Variants in ZSCAN20 observed in about 807,000 individuals in gnomAD.
ZSCAN20 encodes the protein zinc finger and SCAN domain containing 20.
ZSCAN20 carries 39 observed loss-of-function variants against 97.1 expected under a neutral mutation model. The ratio of observed to expected loss-of-function variants is 0.40; its 90% confidence interval spans 0.31 to 0.52. The LOEUF (loss-of-function observed/expected upper bound fraction) is 0.52, where lower values mean the gene tolerates loss of function less well. ZSCAN20 is among the 20% of genes least tolerant of loss of function. The pLI, the probability that ZSCAN20 is intolerant of heterozygous loss-of-function variation, is 0.49. For missense variants in ZSCAN20, 1,115 were observed against 1,290.4 expected, an observed-to-expected ratio of 0.86 and a Z score of 2.08; for synonymous variants, 456 against 467.3, an observed-to-expected ratio of 0.98 and a Z score of 0.31.
intron 1 of ZSCAN20, among the ~76,000 whole-genome samples, chr1:33,477,913 A>T (rs1651997111): frequency 6.6e-6 from 1 of 151,876 alleles, no homozygotes; most frequent in Non-Finnish European, 1.5e-5. Flanking sequence ...GGGTGCAGGG[A>T]AGGCCTTACG....
At position 33,491,814 on chromosome 1, in the gene ZSCAN20, T is replaced by C. The variant is rs1288999467; in HGVS notation, c.1444+112T>C. 1 of 1,111,976 alleles carries C rather than the reference T, an allele frequency of 9.0e-7. No individual in the cohort carries two copies. The highest frequency in any genetic ancestry group is 1.3e-6 in the Non-Finnish European group (1 of 792,260). The allele number at this position is 1,111,976 out of a possible 1,614,324, so 68.9% of individuals were successfully genotyped here. ...CAAGTCTGGATTGAAGCCACTAGAG[T>C]GAAGAGCTACATTCCTTAGGTCATC... On this transcript the variant is annotated intron_variant, in intron 6 of 7. Coordinates refer to ENST00000684572, the MANE Select transcript of ZSCAN20 (RefSeq NM_001377376.1). The surrounding 1 kb of genome is among the most constrained non-coding windows in gnomAD (Gnocchi z 4.3).
intron 2 of ZSCAN20, among the ~76,000 whole-genome samples, chr1:33,488,252 T>C (rs1027128914): frequency 6.6e-6 from 1 of 152,218 alleles, no homozygotes; most frequent in Admixed American, 6.5e-5. Context: ...ATTGAAACAC[T>C]TGGATCGCCA....
rs750398871 is a variant in ZSCAN20, at chr1:33,494,254, C to T, written c.1910C>T (p.Ser637Leu). Residue 637 changes from serine to leucine, a missense_variant, in exon 8 of 8, where the codon TCA becomes TTA. Coordinates refer to ENST00000684572, the MANE Select transcript of ZSCAN20 (RefSeq NM_001377376.1). ...AGGCATGAGGATGAAGACCAGATTT[C>T]AGAGCAGGACATTTTTGAGGGTTTG... The part of the protein sequence containing the change: ...EMRHEDEDQI[S>L]EQDIFEGLPG... 3 of 1,590,662 alleles carry T rather than the reference C, an allele frequency of 1.9e-6. No individual in the cohort carries two copies. Among genetic ancestry groups the T allele is most frequent in the South Asian group, 2.3e-5 (2 of 88,276 alleles).
chr1:33,486,541 T>C (rs890160802), intron 2 of ZSCAN20, among the ~76,000 whole-genome samples: 8 of 152,240 alleles, frequency 5.3e-5, no homozygotes, highest in Non-Finnish European at 1.2e-4. Context: ...GGGCAACTTG[T>C]AGACTACAGA....
chr1:33,488,702 G>A, intron 3 of ZSCAN20, 51 bp downstream of exon 3: 1 of 1,568,902 alleles, frequency 6.4e-7, no homozygotes, highest in Non-Finnish European at 8.6e-7. Flanking sequence ...AGGGGAGAGG[G>A]ATGGGAGGTG....
intron 2 of ZSCAN20, among the ~76,000 whole-genome samples, chr1:33,486,569 G>A (rs1310446460): frequency 6.6e-5 from 10 of 152,210 alleles, no homozygotes; most frequent in Non-Finnish European, 7.3e-5. Context: ...GAAACTAGAA[G>A]TCTGACCTAC....
intron 6 of ZSCAN20, chr1:33,492,436 A>G (rs894371816): frequency 3.9e-5 from 6 of 152,180 alleles, no homozygotes; most frequent in African/African-American, 1.4e-4. Flanking sequence ...AAACTCATTT[A>G]TGCCTCTAAT....
At chr1:33,475,656 CTTTT>C (rs894607710) in intron 1 of ZSCAN20, among the ~76,000 whole-genome samples, 1 of 149,676 alleles carries the variant, frequency 6.7e-6, no homozygotes, top group Admixed American at 6.7e-5. Context: ...TTCTCTCTTT[CTTTT>C]TTTTTTCTTC....
rs995363860 is a variant in ZSCAN20, at chr1:33,493,812, A to G, written c.1873+197A>G. Among the ~76,000 whole-genome samples, 1 of 152,220 alleles carries G rather than the reference A, an allele frequency of 6.6e-6. No homozygotes were observed. Among genetic ancestry groups the G allele is most frequent in the Non-Finnish European group, 1.5e-5 (1 of 68,034 alleles). On this transcript the variant is annotated intron_variant, in intron 7 of 7. Transcript: ENST00000684572. The surrounding 1 kb of genome is among the most constrained non-coding windows in gnomAD (Gnocchi z 4.3). ...AATCAGTCAGTCAGTCAGTCATTCT[A>G]TCTTTTACTAGGTATATCTGGGCGG...
intron 2 of ZSCAN20, among the ~76,000 whole-genome samples, chr1:33,479,954 G>A (rs1163258836): frequency 1.3e-5 from 2 of 152,162 alleles, no homozygotes; most frequent in Non-Finnish European, 2.9e-5. Context: ...CAGAGACAGA[G>A]AAAAGATAGG....
At chr1:33,475,599 C>G (rs575829119) in intron 1 of ZSCAN20, among the ~76,000 whole-genome samples, 12 of 152,258 alleles carry the variant, frequency 7.9e-5, no homozygotes, top group African/African-American at 2.9e-4. Flanking sequence ...TGCTTATTCT[C>G]GAACAGATAG....
At chr1:33,482,039 CATT>C (rs1263948774) in intron 2 of ZSCAN20, among the ~76,000 whole-genome samples, 2 of 152,134 alleles carry the variant, frequency 1.3e-5, no homozygotes, top group East Asian at 1.9e-4. Flanking sequence ...AGTGATACAT[CATT>C]ATCATCACTC....
rs1390735470 is a variant in ZSCAN20, at chr1:33,495,035, T to C, written c.2691T>C (p.His897=). The change falls in exon 8 of 8, where the codon CAT becomes CAC. Residue 897 remains histidine, a synonymous_variant. Coordinates refer to ENST00000684572, the MANE Select transcript of ZSCAN20 (RefSeq NM_001377376.1). ...SSALISHQRI[H]TGEKPYECAE... Reference sequence around the variant, plus strand: ...CCCTCATTAGTCACCAAAGAATCCATACGGGAGAGAAACCATATGAATGTG... The same window carrying C: ...CCCTCATTAGTCACCAAAGAATCCACACGGGAGAGAAACCATATGAATGTG... The C allele has an allele frequency of 3.7e-6, 6 of 1,613,330 alleles. No homozygotes were observed. The highest frequency in any genetic ancestry group is 2.2e-5 in the East Asian group (1 of 44,804).
intron 4 of ZSCAN20, 157 bp downstream of exon 4, chr1:33,489,348 A>G: frequency 1.0e-6 from 1 of 978,864 alleles, no homozygotes; most frequent in East Asian, 2.6e-5. Flanking sequence ...CTGGGCCCCA[A>G]ACATCCCCAA....
At chr1:33,487,262 A>G (rs1436579836) in intron 2 of ZSCAN20, among the ~76,000 whole-genome samples, 4 of 152,172 alleles carry the variant, frequency 2.6e-5, no homozygotes, top group Middle Eastern at 3.2e-3. Context: ...ATGTGAGTCT[A>G]TTATCTATTG....
At position 33,497,975 on chromosome 1, in the gene ZSCAN20, T is replaced by C. The variant is rs1045757257; in HGVS notation, c.*2499T>C. Among the ~76,000 whole-genome samples, 6 of 152,134 alleles carry C rather than the reference T, an allele frequency of 3.9e-5. No homozygotes were observed. The highest frequency in any genetic ancestry group is 7.4e-5 in the Non-Finnish European group (5 of 68,012). On this transcript the variant is annotated 3_prime_UTR_variant, in exon 8 of 8. Coordinates refer to ENST00000684572, the MANE Select transcript of ZSCAN20 (RefSeq NM_001377376.1). ...CTAGGGGAGAGGCTAGGACTAGAGATCTGTGTATGCGAAGTAGTTAAACTA... is the reference window on the plus strand; with the variant it reads ...CTAGGGGAGAGGCTAGGACTAGAGACCTGTGTATGCGAAGTAGTTAAACTA...
At position 33,500,107 on chromosome 1, in the gene ZSCAN20, G is replaced by A. The variant is rs1653014220; in HGVS notation, c.*4631G>A. 6.6e-6 allele frequency among the ~76,000 whole-genome samples: 1 copy of A among 152,108 alleles called. No homozygotes were observed. The highest frequency in any genetic ancestry group is 2.1e-4 in the South Asian group (1 of 4,822). ...TCCTGGCTGTTTCTTCACACTCCCAGCATCACTATTACTGCTAGCATGTCT... is the reference window on the plus strand; with the variant it reads ...TCCTGGCTGTTTCTTCACACTCCCAACATCACTATTACTGCTAGCATGTCT... On this transcript the variant is annotated 3_prime_UTR_variant, in exon 8 of 8. Transcript: ENST00000684572.
chr1:33,479,734 G>A lies in ZSCAN20; in HGVS notation c.417+29G>A, dbSNP rs745931196. 1.7e-5 allele frequency: 25 copies of A among 1,474,282 alleles called. No homozygotes were observed. The African/African-American group carries it at 3.4e-4, about 20-fold the overall frequency. 91.3% of individuals were successfully genotyped at this position (1,474,282 alleles called of 1,614,324 possible). ...AGACAAACAGTCTTCTCCTGCAGAG[G>A]AGTGGGTCAGGCAAGGCAGCAGGGT... On this transcript the variant is annotated intron_variant, in intron 2 of 7. Coordinates refer to ENST00000684572, the MANE Select transcript of ZSCAN20 (RefSeq NM_001377376.1).
At chr1:33,487,596 T>C (rs1483547443) in intron 2 of ZSCAN20, among the ~76,000 whole-genome samples, 1 of 152,142 alleles carries the variant, frequency 6.6e-6, no homozygotes, top group Non-Finnish European at 1.5e-5. Flanking sequence ...TGCATGTCCT[T>C]CTATTGTAAG....
Sources: gnomAD v4.1 joint callset for allele counts (sites outside exome capture counted in the v4.1 genomes callset) on GRCh38, gnomAD v4.1.1 for gene constraint, Gnocchi (gnomAD v3.1) non-coding constraint, MANE v1.5 for transcripts, NCBI Gene and HGNC (gene_info 2026-07-23, HGNC 2026-07-21) for gene names.